DISP1: variants seen among roughly 807,000 people sequenced by gnomAD.
DISP1 encodes protein dispatched homolog 1.
In DISP1, 30 loss-of-function variants were observed where a neutral mutation model predicts 37.3. That is an observed-to-expected ratio of 0.80 (90% confidence interval 0.60 to 1.09). DISP1 has a LOEUF of 1.09. Ranked by LOEUF, DISP1 falls within the 50% of genes least tolerant of loss-of-function variation. The pLI, the probability that DISP1 is intolerant of heterozygous loss-of-function variation, is 0.00. For synonymous variants in DISP1, 634 were observed against 690.2 expected, an observed-to-expected ratio of 0.92 and a Z score of 1.28; for missense variants, 1,598 against 1,879.5, an observed-to-expected ratio of 0.85 and a Z score of 2.77.
chr1:222,861,590 TC>T (rs1407424933), intron 1 of DISP1, among the ~76,000 whole-genome samples: 1 of 152,202 alleles, frequency 6.6e-6, no homozygotes, highest in Admixed American at 6.5e-5. Flanking sequence ...AACCCTCTTT[TC>T]TAAGTATTAT....
intron 1 of DISP1, among the ~76,000 whole-genome samples, chr1:222,824,316 T>G (rs1663739205): frequency 6.6e-6 from 1 of 152,212 alleles, no homozygotes; most frequent in Non-Finnish European, 1.5e-5. Flanking sequence ...TATTATTCAT[T>G]TCTTACAACA....
At chr1:222,838,349 A>G (rs1667376412) in intron 1 of DISP1, among the ~76,000 whole-genome samples, 1 of 151,824 alleles carries the variant, frequency 6.6e-6, no homozygotes, top group African/African-American at 2.4e-5. Context: ...TCTTTTTAGA[A>G]TTTCTTTTGT....
intron 1 of DISP1, among the ~76,000 whole-genome samples, chr1:222,836,134 G>A (rs568948346): frequency 1.3e-5 from 2 of 152,154 alleles, no homozygotes; most frequent in African/African-American, 4.8e-5. Context: ...ATCTTTAAGT[G>A]ACCATGAAAT....
chr1:222,901,730 T>C (rs1266497570), intron 1 of DISP1, among the ~76,000 whole-genome samples: 1 of 152,196 alleles, frequency 6.6e-6, no homozygotes, highest in Non-Finnish European at 1.5e-5. Context: ...GTTTCACCAA[T>C]TGGCCAGGCT....
chr1:222,901,630 C>A (rs1402304386), intron 1 of DISP1, among the ~76,000 whole-genome samples: 1 of 152,118 alleles, frequency 6.6e-6, no homozygotes, highest in East Asian at 1.9e-4. Flanking sequence ...CGGATTCAAG[C>A]GGTTCTCCTG....
chr1:222,921,626 T>A (rs562539660), intron 1 of DISP1, among the ~76,000 whole-genome samples: 33 of 152,322 alleles, frequency 2.2e-4, no homozygotes, highest in African/African-American at 7.7e-4. Flanking sequence ...GGGGCCCATA[T>A]AAATCAGCAG....
At chr1:222,940,356 T>A (rs996799745) in intron 2 of DISP1, among the ~76,000 whole-genome samples, 2 of 151,820 alleles carry the variant, frequency 1.3e-5, no homozygotes, top group Admixed American at 1.3e-4. Context: ...AACAACCAGA[T>A]CTCAGGAGAA....
rs74556750 is a variant in DISP1 at position 222,918,584 on chromosome 1, C to T, written c.-158-9846C>T. Among the ~76,000 whole-genome samples the T allele has an allele frequency of 2.7e-3, 411 of 152,248 alleles. 4 individuals are homozygous for T. Among genetic ancestry groups the T allele is most frequent in the African/African-American group, 9.1e-3 (379 of 41,558 alleles). On this transcript the variant is annotated intron_variant, in intron 1 of 8. Coordinates refer to ENST00000675850, the MANE Select transcript of DISP1 (RefSeq NM_001377229.1). ...AAGTACAACTACATGGGAAGTTTAT[C>T]ACAACCCATAGTATCTAGTAGACCC...
chr1:223,004,917 A>G lies in DISP1; in HGVS notation c.3520A>G (p.Asn1174Asp). 6.2e-7 allele frequency: 1 copy of G among 1,611,354 alleles called. No homozygotes were observed. Among genetic ancestry groups the G allele is most frequent in the South Asian group, 1.1e-5 (1 of 91,076 alleles). Residue 1174 changes from asparagine (N) to aspartate (D), a missense_variant, in exon 9 of 9, where the codon AAT becomes GAT. Asn to Asp is a conservative substitution (Grantham distance 23). Coordinates refer to ENST00000675850, the MANE Select transcript of DISP1 (RefSeq NM_001377229.1). The surrounding 1 kb of genome is among the most constrained non-coding windows in gnomAD (Gnocchi z 4.9). Reference sequence around the variant, plus strand: ...GGGACAAAGCAAAACACATACCATAAATGCTTATCATTTAGATCCCAGGGG... The same window carrying G: ...GGGACAAAGCAAAACACATACCATAGATGCTTATCATTTAGATCCCAGGGG... ...DKGQSKTHTI[N>D]AYHLDPRGPK... is the part of the protein sequence containing the mutation.
chr1:222,911,631 T>G (rs1672213887), intron 1 of DISP1, among the ~76,000 whole-genome samples: 1 of 152,116 alleles, frequency 6.6e-6, no homozygotes, highest in Non-Finnish European at 1.5e-5. Context: ...ACAATCCTTC[T>G]GCCTCAGCCT....
At chr1:222,907,895 G>C (rs1046455892) in intron 1 of DISP1, among the ~76,000 whole-genome samples, 5 of 152,202 alleles carry the variant, frequency 3.3e-5, no homozygotes, top group African/African-American at 1.2e-4. Context: ...GTTGCAGTGA[G>C]CTGAAATTGT....
At chr1:222,945,757 C>T (rs1674721903) in intron 3 of DISP1, 1 of 152,062 alleles carries the variant, frequency 6.6e-6, no homozygotes, top group African/African-American at 2.4e-5. Context: ...TGTATGAGCA[C>T]TGGGTCCATA....
At chr1:222,874,254 T>C (rs1205470435) in intron 1 of DISP1, among the ~76,000 whole-genome samples, 1 of 152,152 alleles carries the variant, frequency 6.6e-6, no homozygotes, top group Admixed American at 6.5e-5. Flanking sequence ...TTATGTGTCT[T>C]GGAGTTGCTC....
At chr1:222,854,648 T>C (rs1415434556) in intron 1 of DISP1, among the ~76,000 whole-genome samples, 1 of 152,110 alleles carries the variant, frequency 6.6e-6, no homozygotes, top group Non-Finnish European at 1.5e-5. Context: ...ACTGATCCTT[T>C]TATGTTAAAG....
chr1:222,870,380 G>A (rs1283881675), intron 1 of DISP1, among the ~76,000 whole-genome samples: 1 of 152,178 alleles, frequency 6.6e-6, no homozygotes, highest in African/African-American at 2.4e-5. Context: ...CTTCCACAAT[G>A]GTTGAACTAG....
chr1:223,003,750 A>T lies in DISP1; in HGVS notation c.2353A>T (p.Met785Leu), dbSNP rs1361435298. ...ERVHHGEELHMPITVIWGVSP... is the reference protein window; with the variant it reads ...ERVHHGEELHLPITVIWGVSP... ...TGTTCACCATGGCGAGGAGCTCCACATGCCCATCACAGTAATCTGGGGCGT... is the reference window on the plus strand; with the variant it reads ...TGTTCACCATGGCGAGGAGCTCCACTTGCCCATCACAGTAATCTGGGGCGT... The change falls in exon 9 of 9, where the codon ATG becomes TTG. Residue 785 changes from methionine (M) to leucine (L), a missense_variant. Met to Leu is a conservative substitution (Grantham distance 15, BLOSUM62 2). Coordinates refer to ENST00000675850, the MANE Select transcript of DISP1 (RefSeq NM_001377229.1). This position sits in a 1 kb window ranked among gnomAD's most constrained non-coding sequence, Gnocchi z 4.3. 3.7e-6 allele frequency: 6 copies of T among 1,614,156 alleles called. No individual in the cohort carries two copies. In the South Asian group the frequency reaches 5.5e-5, roughly 15 times the overall value.
At chr1:222,944,448 A>C (rs1446783192) in intron 3 of DISP1, among the ~76,000 whole-genome samples, 1 of 50,538 alleles carries the variant, frequency 2.0e-5, no homozygotes, top group African/African-American at 1.5e-4. Flanking sequence ...TTTAAGTAAT[A>C]AAAAGTTTAA....
intron 6 of DISP1, 73 bp from the exon 7 acceptor site, chr1:222,991,940 A>G: frequency 1.7e-6 from 2 of 1,206,096 alleles, no homozygotes; most frequent in Non-Finnish European, 2.4e-6. Flanking sequence ...TGAGGAAGTA[A>G]TGTTTCCAGT....
At chr1:222,842,129 G>A (rs2125291957) in intron 1 of DISP1, among the ~76,000 whole-genome samples, 1 of 152,138 alleles carries the variant, frequency 6.6e-6, no homozygotes, top group African/African-American at 2.4e-5. Context: ...GTTTAAGTTT[G>A]TGTTTGATAG....
Sources: gnomAD v4.1 joint callset for allele counts (sites outside exome capture counted in the v4.1 genomes callset) on GRCh38, gnomAD v4.1.1 for gene constraint, Gnocchi (gnomAD v3.1) non-coding constraint, MANE v1.5 for transcripts, NCBI Gene and HGNC (gene_info 2026-07-23, HGNC 2026-07-21) for gene names.